The following DSCAM variants were observed in gnomAD, a reference collection of about 807,000 sequenced individuals.
The protein encoded by DSCAM is DS cell adhesion molecule.
Under a neutral mutation model 217.7 loss-of-function variants are expected in DSCAM, and 47 were observed. That is an observed-to-expected ratio of 0.22 (90% CI 0.17 to 0.28). The LOEUF (loss-of-function observed/expected upper bound fraction) is 0.28, where lower values mean the gene tolerates loss of function less well. DSCAM is among the 10% of genes least tolerant of loss of function. The pLI is 1.00. For synonymous variants in DSCAM, 1,056 were observed against 1,015.3 expected, an observed-to-expected ratio of 1.04 and a Z score of -0.76; for missense variants, 2,080 against 2,618.3, an observed-to-expected ratio of 0.79 and a Z score of 4.49.
intron 9 of DSCAM, among the ~76,000 whole-genome samples, chr21:40,300,386 C>A (rs955894620): frequency 1.3e-5 from 2 of 152,200 alleles, no homozygotes; most frequent in African/African-American, 4.8e-5. Context: ...TCCTCAAATT[C>A]TCTGCATCTC....
At chr21:40,784,167 A>T (rs559031803) in intron 1 of DSCAM, among the ~76,000 whole-genome samples, 1 of 152,030 alleles carries the variant, frequency 6.6e-6, no homozygotes, top group Non-Finnish European at 1.5e-5. Flanking sequence ...TCCCCACCCA[A>T]ATCTCACCTT....
intron 4 of DSCAM, 51 bp downstream of exon 4, chr21:40,369,048 A>G: frequency 6.5e-7 from 1 of 1,530,276 alleles, no homozygotes; most frequent in East Asian, 2.3e-5. Context: ...GTCTCAGGAC[A>G]CTAACAAAGA....
rs572924485 is a variant in DSCAM at position 40,728,102 on chromosome 21, G to A, written c.44-19331C>T. Among the ~76,000 whole-genome samples, 8 of 152,192 alleles carry A rather than the reference G, an allele frequency of 5.3e-5. No homozygotes were observed. The South Asian group carries it at 1.2e-3, about 24-fold the overall frequency. On this transcript the variant is annotated intron_variant, in intron 1 of 32. Coordinates refer to ENST00000400454, the MANE Select transcript of DSCAM (RefSeq NM_001389.5). ...CTTCCACTACTGCAGCGCCCCCTCCGACCCACGCCTGCACTTACTCCCCAT... is the reference window on the plus strand; with the variant it reads ...CTTCCACTACTGCAGCGCCCCCTCCAACCCACGCCTGCACTTACTCCCCAT...
At chr21:40,616,748 T>A (rs2089399798) in intron 3 of DSCAM, among the ~76,000 whole-genome samples, 1 of 152,136 alleles carries the variant, frequency 6.6e-6, no homozygotes, top group Non-Finnish European at 1.5e-5. Flanking sequence ...CCGGGCGCGG[T>A]GGCTCACGCC....
chr21:40,530,004 G>T (rs927234577), intron 3 of DSCAM, among the ~76,000 whole-genome samples: 1 of 152,156 alleles, frequency 6.6e-6, no homozygotes, highest in South Asian at 2.1e-4. Flanking sequence ...AACTCTAAGG[G>T]TGCTGTTTAT....
At chr21:40,155,744 G>A (rs1190580398) in intron 16 of DSCAM, among the ~76,000 whole-genome samples, 1 of 152,154 alleles carries the variant, frequency 6.6e-6, no homozygotes, top group Non-Finnish European at 1.5e-5. Flanking sequence ...CAGTCGGGCA[G>A]GGGTGGAGCT....
rs189990290 is a variant in DSCAM at position 40,799,185 on chromosome 21, C to G, written c.43+47434G>C. Among the ~76,000 whole-genome samples, 10 of 152,166 alleles carry G rather than the reference C, an allele frequency of 6.6e-5. No individual in the cohort carries two copies. The East Asian group carries it at 1.7e-3, about 26-fold the overall frequency. On this transcript the variant is annotated intron_variant, in intron 1 of 32. Coordinates refer to ENST00000400454, the MANE Select transcript of DSCAM (RefSeq NM_001389.5). Reference sequence around the variant, plus strand: ...CATCAGTGATTCCCTTACCAAAATACCTGTTTTACTCTGGGAGTGAAATGA... The same window carrying G: ...CATCAGTGATTCCCTTACCAAAATAGCTGTTTTACTCTGGGAGTGAAATGA...
chr21:40,443,552 C>T (rs2075650131), intron 3 of DSCAM, among the ~76,000 whole-genome samples: 1 of 152,178 alleles, frequency 6.6e-6, no homozygotes, highest in Admixed American at 6.5e-5. Flanking sequence ...TAGGTTATTT[C>T]ATGATCAAAA....
At chr21:40,235,506 T>C (rs185696515) in intron 11 of DSCAM, among the ~76,000 whole-genome samples, 1 of 152,120 alleles carries the variant, frequency 6.6e-6, no homozygotes, top group African/African-American at 2.4e-5. Context: ...AATCACCCTG[T>C]CCCCCTTCAG....
chr21:40,031,387 A>G (rs376955117), intron 32 of DSCAM, among the ~76,000 whole-genome samples: 1 of 152,124 alleles, frequency 6.6e-6, no homozygotes, highest in African/African-American at 2.4e-5. Context: ...CAAATATACG[A>G]CACTCGTGTA....
chr21:40,779,308 CA>C (rs1051378106), intron 1 of DSCAM, among the ~76,000 whole-genome samples: 3 of 152,132 alleles, frequency 2.0e-5, no homozygotes, highest in African/African-American at 7.2e-5. Context: ...ATGATAAACA[CA>C]CTTAAACTTT....
At chr21:40,768,443 C>T (rs1353427675) in intron 1 of DSCAM, among the ~76,000 whole-genome samples, 1 of 152,196 alleles carries the variant, frequency 6.6e-6, no homozygotes, top group African/African-American at 2.4e-5. Flanking sequence ...TCATCCAGTG[C>T]TCCCAACAAT....
intron 3 of DSCAM, among the ~76,000 whole-genome samples, chr21:40,389,354 AC>A (rs1293582826): frequency 2.0e-5 from 3 of 152,176 alleles, no homozygotes; most frequent in Admixed American, 2.0e-4. Context: ...AAAAAAGAGG[AC>A]CGTTAAAAAA....
At chr21:40,057,893 T>TTTTTTTTA (rs2089051990) in intron 28 of DSCAM, among the ~76,000 whole-genome samples, 1 of 148,614 alleles carries the variant, frequency 6.7e-6, no homozygotes. Flanking sequence ...TTTTTTTTTT[T>TTTTTTTTA]GAGATGGACT....
chr21:40,665,979 T>TC (rs2090194933), intron 3 of DSCAM, among the ~76,000 whole-genome samples: 1 of 151,756 alleles, frequency 6.6e-6, no homozygotes, highest in African/African-American at 2.4e-5. Flanking sequence ...CTCAGGCTTT[T>TC]CCCCAACTTC....
intron 3 of DSCAM, among the ~76,000 whole-genome samples, chr21:40,517,404 A>AACACACACACACACACACAC (rs3070750): frequency 8.5e-4 from 123 of 144,776 alleles, no homozygotes; most frequent in South Asian, 2.7e-3. Context: ...ACACACAAGC[A>AACACACACACACACACACAC]ACACACACAC....
chr21:40,487,277 G>C (rs967572319), intron 3 of DSCAM, among the ~76,000 whole-genome samples: 6 of 148,120 alleles, frequency 4.1e-5, no homozygotes, highest in African/African-American at 1.3e-4. Context: ...CTCTCTCTGT[G>C]TGTGTGCATG....
chr21:40,618,076 A>AT (rs1288633904), intron 3 of DSCAM, among the ~76,000 whole-genome samples: 2 of 152,090 alleles, frequency 1.3e-5, no homozygotes, highest in Non-Finnish European at 2.9e-5. Flanking sequence ...TGGCTCCTGA[A>AT]TTAAGAGCTG....
Position 40,763,159 on chromosome 21 carries a change from G to C in DSCAM, c.44-54388C>G, listed in dbSNP as rs967937951. Among the ~76,000 whole-genome samples, 10 of 152,166 alleles carry C rather than the reference G, an allele frequency of 6.6e-5. No homozygotes were observed. In the East Asian group the frequency reaches 1.7e-3, roughly 26 times the overall value. On this transcript the variant is annotated intron_variant, in intron 1 of 32. Transcript: ENST00000400454. ...GAAGAGAGGAAGTCAGATTGTCTCT[G>C]TGTGCAGACGACATGATTGTATATT... is the stretch of plus-strand genomic sequence containing the variant.
Sources: gnomAD v4.1 joint callset for allele counts (sites outside exome capture counted in the v4.1 genomes callset) on GRCh38, gnomAD v4.1.1 for gene constraint, MANE v1.5 for transcripts, NCBI Gene and HGNC (gene_info 2026-07-23, HGNC 2026-07-21) for gene names.